MTUS1: variants seen among roughly 807,000 people sequenced by gnomAD.
MTUS1 encodes the protein microtubule-associated tumor suppressor 1.
MTUS1 carries 109 observed loss-of-function variants against 120.8 expected under a neutral mutation model. That is an observed-to-expected ratio of 0.90 (90% confidence interval 0.77 to 1.06). The LOEUF is 1.06. Ranked by LOEUF, MTUS1 falls within the 50% of genes least tolerant of loss-of-function variation. The probability of loss-of-function intolerance (pLI) is 0.00; values close to 1 mark genes in which losing one functional copy is unlikely to be tolerated. For missense variants in MTUS1, 2,210 were observed against 1,486.3 expected, an observed-to-expected ratio of 1.49 and a Z score of -8.01; for synonymous variants, 737 against 550.5, an observed-to-expected ratio of 1.34 and a Z score of -4.74.
intron 1 of MTUS1, among the ~76,000 whole-genome samples, chr8:17,784,980 T>C (rs2051188626): frequency 6.6e-6 from 1 of 152,006 alleles, no homozygotes. Context: ...AAACGGGGTT[T>C]CACCATGTTG....
At position 17,727,192 on chromosome 8, in the gene MTUS1, T is replaced by C. The variant is rs151017861; in HGVS notation, c.2288-3359A>G. On this transcript the variant is annotated intron_variant, in intron 3 of 14. Coordinates refer to ENST00000693296, the MANE Select transcript of MTUS1 (RefSeq NM_001363059.2). The stretch of plus-strand genomic sequence containing the variant: ...ACTAATGAGCAATGAGGATAATGAA[T>C]GCCGATTTCACCAAAAGATTAGTTT... Among the ~76,000 whole-genome samples the C allele has an allele frequency of 1.7e-3, 258 of 152,320 alleles. 1 individual carries two copies. Among genetic ancestry groups the C allele is most frequent in the African/African-American group, 5.6e-3 (234 of 41,570 alleles).
At chr8:17,706,081 C>G (rs887384474) in intron 6 of MTUS1, 1 of 152,102 alleles carries the variant, frequency 6.6e-6, no homozygotes, top group Admixed American at 6.5e-5. Flanking sequence ...TTTAAGCAGT[C>G]TTTCCTGCTT....
At chr8:17,749,897 T>G (rs935507461) in intron 2 of MTUS1, among the ~76,000 whole-genome samples, 2 of 152,178 alleles carry the variant, frequency 1.3e-5, no homozygotes, top group Admixed American at 1.3e-4. Flanking sequence ...CACTGGTCAC[T>G]CATGTTTGGC....
intron 7 of MTUS1, among the ~76,000 whole-genome samples, chr8:17,680,464 CAAAAAAAAAAAA>C (rs58490523): frequency 4.1e-5 from 1 of 24,308 alleles, no homozygotes; most frequent in African/African-American, 1.5e-4. Flanking sequence ...GCCACTGTCG[CAAAAAAAAAAAA>C]AAAAAAAAAA....
At chr8:17,700,190 G>C (rs757781538) in intron 6 of MTUS1, among the ~76,000 whole-genome samples, 9 of 151,982 alleles carry the variant, frequency 5.9e-5, no homozygotes, top group Non-Finnish European at 1.3e-4. Context: ...GGCCGGGCGC[G>C]GTGGTGAGAT....
chr8:17,718,839 G>T (rs1034552445), intron 4 of MTUS1, among the ~76,000 whole-genome samples: 2 of 151,544 alleles, frequency 1.3e-5, no homozygotes, highest in Non-Finnish European at 2.9e-5. Flanking sequence ...ATATTCTCAG[G>T]AAAGCCCAAG....
At chr8:17,770,719 G>C (rs1208987389) in intron 1 of MTUS1, 1 of 152,072 alleles carries the variant, frequency 6.6e-6, no homozygotes, top group African/African-American at 2.4e-5. Context: ...AATTTTCCTT[G>C]GACTCTCTGC....
chr8:17,730,808 G>A (rs1277361239), intron 3 of MTUS1, among the ~76,000 whole-genome samples: 3 of 152,196 alleles, frequency 2.0e-5, no homozygotes, highest in South Asian at 4.1e-4. Context: ...GTGAGTGCCA[G>A]GGGCTGAAAG....
intron 14 of MTUS1, 24 bp from the exon 15 acceptor site, chr8:17,646,163 A>G: frequency 1.3e-6 from 2 of 1,556,024 alleles, no homozygotes; most frequent in South Asian, 1.2e-5. Context: ...GCCAGAAACC[A>G]TGAGATCTAT....
At chr8:17,781,442 G>C (rs1229563964) in intron 1 of MTUS1, among the ~76,000 whole-genome samples, 1 of 152,172 alleles carries the variant, frequency 6.6e-6, no homozygotes, top group African/African-American at 2.4e-5. Context: ...TTCACTTTGT[G>C]TTCAAAGGCA....
At chr8:17,655,723 T>A in intron 9 of MTUS1, 140 bp downstream of exon 9, 1 of 747,538 alleles carries the variant, frequency 1.3e-6, no homozygotes, top group Non-Finnish European at 2.2e-6. Context: ...AGAGTGGGAC[T>A]CTGTCTTAAA....
At chr8:17,654,257 G>A (rs73668808) in intron 10 of MTUS1, 4,376 of 402,984 alleles carry the variant, frequency 0.011, 143 homozygotes, top group African/African-American at 0.077. Flanking sequence ...TTACAAGATA[G>A]AAACTTGTAC....
chr8:17,703,743 C>T (rs185455084), intron 6 of MTUS1, among the ~76,000 whole-genome samples: 9 of 151,994 alleles, frequency 5.9e-5, no homozygotes, highest in Admixed American at 2.0e-4. Flanking sequence ...GAGGTCAGAC[C>T]GGTTCTCTGC....
At chr8:17,670,984 G>A (rs1811899265) in intron 8 of MTUS1, among the ~76,000 whole-genome samples, 1 of 152,158 alleles carries the variant, frequency 6.6e-6, no homozygotes, top group Non-Finnish European at 1.5e-5. Context: ...TTTGCTTCTA[G>A]GGGGAGGGGT....
chr8:17,661,732 T>C (rs1360380660), intron 8 of MTUS1, among the ~76,000 whole-genome samples: 2 of 149,844 alleles, frequency 1.3e-5, no homozygotes, highest in East Asian at 3.9e-4. Context: ...AGGGAGAAAA[T>C]GGGTCAGATG....
At chr8:17,657,986 TATA>T (rs1178823679) in intron 8 of MTUS1, among the ~76,000 whole-genome samples, 1 of 150,452 alleles carries the variant, frequency 6.6e-6, no homozygotes, top group African/African-American at 2.4e-5. Context: ...CATATACATA[TATA>T]ATACATATAT....
intron 1 of MTUS1, among the ~76,000 whole-genome samples, chr8:17,768,357 T>C (rs1055902454): frequency 2.0e-5 from 3 of 152,142 alleles, no homozygotes; most frequent in African/African-American, 7.2e-5. Context: ...GTTCAAAACA[T>C]GAATAAGAGA....
chr8:17,797,839 C>G (rs553168712), intron 1 of MTUS1, among the ~76,000 whole-genome samples: 22 of 152,316 alleles, frequency 1.4e-4, no homozygotes, highest in African/African-American at 4.8e-4. Context: ...GGAGAACACA[C>G]TTCCTTTAGT....
chr8:17,767,710 A>AAACAAAACAAACAAAC (rs1198445862), intron 1 of MTUS1, among the ~76,000 whole-genome samples: 4 of 148,438 alleles, frequency 2.7e-5, no homozygotes, highest in African/African-American at 1.0e-4. Context: ...TAAAAAAAAA[A>AAACAAAACAAACAAAC]AAAAAAAACG....
Sources: allele counts gnomAD v4.1 joint callset (sites outside exome capture counted in the v4.1 genomes callset), GRCh38; gene constraint gnomAD v4.1.1; transcripts MANE v1.5; gene names NCBI Gene and HGNC (gene_info 2026-07-23, HGNC 2026-07-21).